DAP3: variants seen among roughly 807,000 people sequenced by gnomAD.
The protein encoded by DAP3 is small ribosomal subunit protein mS29.
In DAP3, 28 loss-of-function variants were observed where a neutral mutation model predicts 51.9. The ratio of observed to expected loss-of-function variants is 0.54; its 90% CI spans 0.40 to 0.74. The LOEUF is 0.74. DAP3 is among the 30% of genes least tolerant of loss of function. DAP3 has a pLI of 0.00. For synonymous variants in DAP3, 170 were observed against 170.3 expected, an observed-to-expected ratio of 1.00 and a Z score of 0.01; for missense variants, 458 against 483.5, an observed-to-expected ratio of 0.95 and a Z score of 0.49.
At chr1:155,728,979 A>G (rs1034113965) in intron 7 of DAP3, 63 bp from the exon 8 acceptor site, 2 of 1,537,056 alleles carry the variant, frequency 1.3e-6, no homozygotes, top group African/African-American at 2.8e-5. Flanking sequence ...TTTTCAAGGG[A>G]TGGTTTCACC....
chr1:155,694,624 G>T (rs1451353733), intron 1 of DAP3, among the ~76,000 whole-genome samples: 1 of 122,318 alleles, frequency 8.2e-6, no homozygotes, highest in Non-Finnish European at 1.5e-5. Flanking sequence ...GAGCCATCAG[G>T]CGTGCTGGGA....
upstream of DAP3, chr1:155,688,449 G>A (rs1381791086): frequency 5.8e-6 from 9 of 1,548,574 alleles, no homozygotes; most frequent in Non-Finnish European, 6.1e-6. Flanking sequence ...CCCCCGCTTC[G>A]CCCGACTCCG....
chr1:155,706,746 G>A (rs1026719232), intron 1 of DAP3, among the ~76,000 whole-genome samples: 1 of 151,108 alleles, frequency 6.6e-6, no homozygotes, highest in East Asian at 1.9e-4. Context: ...AGACTTCATC[G>A]CAAAATAAAT....
chr1:155,715,878 A>C (rs1657272968), intron 2 of DAP3, among the ~76,000 whole-genome samples: 1 of 152,154 alleles, frequency 6.6e-6, no homozygotes. Context: ...TGTATTTGAC[A>C]TACTCCCTTA....
rs1469920092 is a variant in DAP3, at chr1:155,719,334, T to G, written c.169-2183T>G. Among the ~76,000 whole-genome samples, 4 of 150,494 alleles carry G rather than the reference T, an allele frequency of 2.7e-5. No individual in the cohort carries two copies. The East Asian group carries it at 7.8e-4, about 29-fold the overall frequency. The stretch of plus-strand genomic sequence containing the variant: ...CACTGCAACCTCCACCTCCTGGGTT[T>G]AAATGATTTTCCTGTCTCAGCCTCC... On this transcript the variant is annotated intron_variant, in intron 3 of 12. Coordinates refer to ENST00000368336, the MANE Select transcript of DAP3 (RefSeq NM_004632.4).
intron 1 of DAP3, among the ~76,000 whole-genome samples, chr1:155,694,197 G>A (rs371275011): frequency 2.1e-5 from 3 of 141,180 alleles, no homozygotes; most frequent in East Asian, 1.9e-4. Context: ...TTAGGCAACC[G>A]ACAGCTGGCC....
At chr1:155,710,422 G>A (rs1028622371) in intron 2 of DAP3, 1 of 152,056 alleles carries the variant, frequency 6.6e-6, no homozygotes, top group African/African-American at 2.4e-5. Context: ...AGTAGAAACG[G>A]TGTTTCATCA....
Position 155,689,340 on chromosome 1 carries a change from G to T in DAP3, c.-8+166G>T, listed in dbSNP as rs1653328618. On this transcript the variant is annotated intron_variant, in intron 1 of 12. Coordinates refer to ENST00000368336, the MANE Select transcript of DAP3 (RefSeq NM_004632.4). ...GGACCCGAGGAAGTTCGGCGTGGTG[G>T]TGTGCTTTTTGTTGTTGTTAACCCT... 4 of 564,420 alleles carry T rather than the reference G, an allele frequency of 7.1e-6. No homozygotes were observed. The Middle Eastern group carries it at 8.2e-4, about 116-fold the overall frequency. 35.0% of individuals were successfully genotyped at this position (564,420 alleles called of 1,614,324 possible).
chr1:155,718,582 G>A (rs1657598160), intron 3 of DAP3, among the ~76,000 whole-genome samples: 1 of 151,806 alleles, frequency 6.6e-6, no homozygotes, highest in African/African-American at 2.4e-5. Context: ...AGCTACTCGG[G>A]AGACTGAGGC....
In DAP3 at chr1:155,721,559, T is replaced by TCC; in HGVS notation, c.216_217dup (p.Gln73ProfsTer17). 1 of 1,613,734 alleles carries TCC rather than the reference T, an allele frequency of 6.2e-7. No homozygotes were observed. The highest frequency in any genetic ancestry group is 8.5e-7 in the Non-Finnish European group (1 of 1,179,964). ...GCACGAGGGTCAGCACTACAACATC[T>TCC]CCCCCCAGGATTTGGAGACTGTATT... On this transcript the variant is annotated frameshift_variant, in exon 4 of 13. Coordinates refer to ENST00000368336, the MANE Select transcript of DAP3 (RefSeq NM_004632.4). LOFTEE classifies it high-confidence loss of function.
chr1:155,712,075 C>T (rs1440797609), intron 2 of DAP3, among the ~76,000 whole-genome samples: 2 of 151,846 alleles, frequency 1.3e-5, no homozygotes, highest in African/African-American at 2.4e-5. Flanking sequence ...ATGTTAATCT[C>T]CTTTGGCAAC....
At position 155,725,787 on chromosome 1, in the gene DAP3, C is replaced by T. The variant is rs374539256; in HGVS notation, c.380-140C>T. 1.9e-4 allele frequency: 140 copies of T among 720,616 alleles called. 3 individuals carry two copies. The highest frequency in any genetic ancestry group is 9.0e-4 in the East Asian group (33 of 36,610). 44.6% of individuals were successfully genotyped at this position (720,616 alleles called of 1,614,324 possible). A position where few individuals can be genotyped will look rare whatever the true frequency, so the allele number is the denominator to read the frequency against. The stretch of plus-strand genomic sequence containing the variant: ...GCTGAGGCAGGAGAATCGCTTGAAC[C>T]CGGGAAGCGGAGGTTGCTGTGAGCT... On this transcript the variant is annotated intron_variant, in intron 5 of 12. Transcript: ENST00000368336.
chr1:155,717,291 T>C (rs1465672363), intron 3 of DAP3, among the ~76,000 whole-genome samples, 163 bp downstream of exon 3: 4 of 152,312 alleles, frequency 2.6e-5, no homozygotes, highest in South Asian at 4.1e-4. Context: ...TCCCTGTCCC[T>C]GTCTGATACT....
At chr1:155,690,908 T>A (rs1355541967) in intron 1 of DAP3, among the ~76,000 whole-genome samples, 1 of 141,614 alleles carries the variant, frequency 7.1e-6, no homozygotes, top group Non-Finnish European at 1.5e-5. Context: ...TCCAGCTAAT[T>A]TATTTTATTT....
chr1:155,708,247 C>T (rs1265226182), intron 1 of DAP3, among the ~76,000 whole-genome samples: 3 of 152,148 alleles, frequency 2.0e-5, no homozygotes, highest in Non-Finnish European at 2.9e-5. Context: ...TTGGGTTTCA[C>T]CATGTTGGCC....
intron 10 of DAP3, 62 bp downstream of exon 10, chr1:155,731,477 C>G: frequency 6.6e-7 from 1 of 1,524,922 alleles, no homozygotes; most frequent in Non-Finnish European, 9.1e-7. Context: ...TAAACATGTT[C>G]TACTATTTCA....
chr1:155,737,057 G>A lies in DAP3; in HGVS notation c.1105G>A (p.Glu369Lys), dbSNP rs1411968226. 1.9e-6 allele frequency: 3 copies of A among 1,608,546 alleles called. No homozygotes were observed. Among genetic ancestry groups the A allele is most frequent in the Admixed American group, 1.7e-5 (1 of 59,958 alleles). Residue 369 changes from glutamate (E) to lysine (K), a missense_variant, in exon 12 of 13, where the codon GAG becomes AAG. Glu to Lys is a moderately conservative substitution (Grantham distance 56). Transcript: ENST00000368336. The part of the protein sequence containing the change: ...YYLENNWLQH[E>K]KAPTEEGKKE... ...TTTGGAAAACAATTGGCTTCAACAT[G>A]AGAAAGGTCCATCATTTAGTTTTTT...
intron 9 of DAP3, 117 bp downstream of exon 9, chr1:155,729,483 AGATAAACAG>A (rs1340955959): frequency 5.8e-6 from 8 of 1,371,034 alleles, no homozygotes; most frequent in Non-Finnish European, 7.9e-6. Context: ...GAATATTTGA[AGATAAACAG>A]TAAAGAGCTG....
At chr1:155,722,701 A>G (rs1483538132) in intron 4 of DAP3, among the ~76,000 whole-genome samples, 1 of 152,184 alleles carries the variant, frequency 6.6e-6, no homozygotes, top group Non-Finnish European at 1.5e-5. Flanking sequence ...TCGGAGGCTG[A>G]GGCAGGAGGA....
Sources: gnomAD v4.1 joint callset for allele counts (sites outside exome capture counted in the v4.1 genomes callset) on GRCh38, gnomAD v4.1.1 for gene constraint, MANE v1.5 for transcripts, NCBI Gene and HGNC (gene_info 2026-07-23, HGNC 2026-07-21) for gene names.